The following PCDHGA2 variants were observed in gnomAD, a reference collection of about 807,000 sequenced individuals.
The protein encoded by PCDHGA2 is protocadherin gamma subfamily A, 2.
A neutral mutation model predicts 59.2 loss-of-function variants in PCDHGA2; 40 were observed. The observed-to-expected ratio is 0.68, with a 90% CI of 0.52 to 0.88. The LOEUF (loss-of-function observed/expected upper bound fraction) is 0.88, where lower values mean the gene tolerates loss of function less well. PCDHGA2 is among the 40% of genes least tolerant of loss of function. The pLI, the probability that PCDHGA2 is intolerant of heterozygous loss-of-function variation, is 0.00. For missense variants in PCDHGA2, 1,226 were observed against 1,204.0 expected, an observed-to-expected ratio of 1.02 and a Z score of -0.27; for synonymous variants, 560 against 526.0, an observed-to-expected ratio of 1.06 and a Z score of -0.89.
At chr5:141,351,488 C>T in intron 1 of PCDHGA2, 1 of 1,613,968 alleles carries the variant, frequency 6.2e-7, no homozygotes. Context: ...AAACCGGGAG[C>T]AGACAGCAGA....
rs138031063 is a variant in PCDHGA2 at position 141,447,985 on chromosome 5, C to T, written c.2425-46822C>T. Among the ~76,000 whole-genome samples the T allele has an allele frequency of 3.9e-3, 591 of 152,010 alleles. 6 individuals are homozygous for T. The highest frequency in any genetic ancestry group is 0.011 in the Admixed American group (170 of 15,260). On this transcript the variant is annotated intron_variant, in intron 1 of 3. Transcript: ENST00000394576. ...CCTATAATCCCAGCTACTCGGGAGG[C>T]TGAGGCATGAGAATCGCTTGAACCC...
chr5:141,376,772 C>T lies in PCDHGA2; in HGVS notation c.2424+35377C>T, dbSNP rs911404342. ...CGCAATCTCGGCTCACTGCAAGCTC[C>T]GCTTCCCGGGTTCACGCCATTCTCC... On this transcript the variant is annotated intron_variant, in intron 1 of 3. Transcript: ENST00000394576. The T allele has an allele frequency of 8.2e-5, 34 of 412,628 alleles. 1 individual carries two copies. The highest frequency in any genetic ancestry group is 3.9e-4 in the Admixed American group (9 of 23,202). 25.6% of individuals were successfully genotyped at this position (412,628 alleles called of 1,614,324 possible).
chr5:141,414,243 A>G (rs2154544977), intron 1 of PCDHGA2: 1 of 1,613,556 alleles, frequency 6.2e-7, no homozygotes. Context: ...TCACGTCTCT[A>G]TTTAGTCCAG....
chr5:141,424,786 T>G (rs1219509852), intron 1 of PCDHGA2: 1 of 152,210 alleles, frequency 6.6e-6, no homozygotes, highest in Non-Finnish European at 1.5e-5. Flanking sequence ...ATTCAGTTCT[T>G]TTATTCAGAC....
intron 1 of PCDHGA2, among the ~76,000 whole-genome samples, chr5:141,348,745 G>A (rs1055933152): frequency 6.6e-6 from 1 of 152,188 alleles, no homozygotes; most frequent in African/African-American, 2.4e-5. Context: ...ATAGTAAAAG[G>A]AATGGAAAGT....
At chr5:141,393,201 A>C in intron 1 of PCDHGA2, 1 of 1,613,534 alleles carries the variant, frequency 6.2e-7, no homozygotes, top group Admixed American at 1.7e-5. Context: ...TAACGATAAT[A>C]ACCCAAAATT....
chr5:141,394,253 C>A (rs771138606), intron 1 of PCDHGA2: 1 of 1,613,986 alleles, frequency 6.2e-7, no homozygotes, highest in Admixed American at 1.7e-5. Flanking sequence ...ACGACCCCGA[C>A]AGCCAGGAGA....
At chr5:141,385,189 C>T (rs368141492) in intron 1 of PCDHGA2, 2 of 1,614,222 alleles carry the variant, frequency 1.2e-6, no homozygotes, top group Non-Finnish European at 1.7e-6. Context: ...CGCGGACTCT[C>T]GGAAGAGTCA....
chr5:141,370,617 T>C lies in PCDHGA2; in HGVS notation c.2424+29222T>C, dbSNP rs1767063471. 3 of 1,613,958 alleles carry C rather than the reference T, an allele frequency of 1.9e-6. No individual in the cohort carries two copies. The South Asian group carries it at 3.3e-5, about 18-fold the overall frequency. ...GCGGGTTATTGCAGAGAAGAAATTCTTTACCGTGAGCCCCGAAAATGGGAA... is the reference window on the plus strand; with the variant it reads ...GCGGGTTATTGCAGAGAAGAAATTCCTTACCGTGAGCCCCGAAAATGGGAA... On this transcript the variant is annotated intron_variant, in intron 1 of 3. Coordinates refer to ENST00000394576, the MANE Select transcript of PCDHGA2 (RefSeq NM_018915.4).
rs1227487225 is a variant in PCDHGA2, at chr5:141,491,275, G to C, written c.2425-3532G>C. The C allele has an allele frequency of 2.5e-6, 4 of 1,614,082 alleles. 1 individual carries two copies. In the South Asian group the frequency reaches 4.4e-5, roughly 18 times the overall value. On this transcript the variant is annotated intron_variant, in intron 1 of 3. Transcript: ENST00000394576. This position sits in a 1 kb window ranked among gnomAD's most constrained non-coding sequence, Gnocchi z 6.9. Reference sequence around the variant, plus strand: ...CCCTGAGGAAATGCCCAAATCCAGTGACTTCCTCATACACCCTCCTGAGCG... The same window carrying C: ...CCCTGAGGAAATGCCCAAATCCAGTCACTTCCTCATACACCCTCCTGAGCG...
intron 1 of PCDHGA2, chr5:141,421,734 G>T: frequency 6.2e-7 from 1 of 1,613,948 alleles, no homozygotes; most frequent in Non-Finnish European, 8.5e-7. Flanking sequence ...ACTCCCTCCA[G>T]AGCTACCAGC....
At chr5:141,356,639 A>G (rs1760286940) in intron 1 of PCDHGA2, 1 of 1,614,126 alleles carries the variant, frequency 6.2e-7, no homozygotes, top group East Asian at 2.2e-5. Context: ...CAAGACCCTG[A>G]CAGTGGTGAC....
At position 141,472,368 on chromosome 5, in the gene PCDHGA2, C is replaced by T. The variant is rs555805048; in HGVS notation, c.2425-22439C>T. ...CATCCTGGCTAACACGGTGAAACCC[C>T]GTCTCCACTAAAAATAGAAAAAATT... is the stretch of plus-strand genomic sequence containing the variant. On this transcript the variant is annotated intron_variant, in intron 1 of 3. Transcript: ENST00000394576. Among the ~76,000 whole-genome samples, 214 of 152,012 alleles carry T rather than the reference C, an allele frequency of 1.4e-3. 1 individual carries two copies. The highest frequency in any genetic ancestry group is 4.8e-3 in the African/African-American group (199 of 41,452).
intron 2 of PCDHGA2, among the ~76,000 whole-genome samples, chr5:141,503,202 C>G (rs1562210201): frequency 6.6e-6 from 1 of 152,090 alleles, no homozygotes; most frequent in East Asian, 1.9e-4. Context: ...ATCAGCCTCT[C>G]AGTGCCCACC....
In PCDHGA2 at chr5:141,491,925, G is replaced by A. The variant is rs1019181943; in HGVS notation, c.2425-2882G>A. 5 of 1,325,176 alleles carry A rather than the reference G, an allele frequency of 3.8e-6. No homozygotes were observed. In the Admixed American group the frequency reaches 1.5e-4, roughly 39 times the overall value. 82.1% of individuals were successfully genotyped at this position (1,325,176 alleles called of 1,614,324 possible). A position where few individuals can be genotyped will look rare whatever the true frequency, so the allele number is the denominator to read the frequency against. On this transcript the variant is annotated intron_variant, in intron 1 of 3. Coordinates refer to ENST00000394576, the MANE Select transcript of PCDHGA2 (RefSeq NM_018915.4). The surrounding 1 kb of genome is among the most constrained non-coding windows in gnomAD (Gnocchi z 6.9). ...GGGTGGTGGCGACTGTGGGCGAGGG[G>A]AGGTGGGACCGACCCCCACCCCTAC...
intron 1 of PCDHGA2, chr5:141,383,587 G>A (rs1054174619): frequency 3.1e-6 from 5 of 1,613,564 alleles, no homozygotes; most frequent in African/African-American, 1.3e-5. Context: ...CCACATCCAG[G>A]TGACAGTGGT....
intron 1 of PCDHGA2, chr5:141,372,088 C>G: frequency 1.9e-6 from 3 of 1,613,762 alleles, no homozygotes; most frequent in Non-Finnish European, 2.5e-6. Flanking sequence ...GTGCTGTACC[C>G]AGCTCTGGGG....
At position 141,414,031 on chromosome 5, in the gene PCDHGA2, C is replaced by G. The variant is rs900884760; in HGVS notation, c.2424+72636C>G. The G allele has an allele frequency of 1.2e-6, 2 of 1,611,740 alleles. No homozygotes were observed. The highest frequency in any genetic ancestry group is 2.7e-5 in the African/African-American group (2 of 74,762). On this transcript the variant is annotated intron_variant, in intron 1 of 3. Coordinates refer to ENST00000394576, the MANE Select transcript of PCDHGA2 (RefSeq NM_018915.4). ...CAATGGAGAAGTGACATATTCATTC[C>G]GAAAATTACCTGACACGCAATTGTT... is the stretch of plus-strand genomic sequence containing the variant.
intron 1 of PCDHGA2, among the ~76,000 whole-genome samples, chr5:141,449,674 TA>T (rs2154562752): frequency 6.6e-6 from 1 of 151,604 alleles, no homozygotes; most frequent in African/African-American, 2.4e-5. Context: ...AGTGTGTATG[TA>T]TATATGTTTG....
Sources: gnomAD v4.1 joint callset for allele counts (sites outside exome capture counted in the v4.1 genomes callset) on GRCh38, gnomAD v4.1.1 for gene constraint, Gnocchi (gnomAD v3.1) non-coding constraint, MANE v1.5 for transcripts, NCBI Gene and HGNC (gene_info 2026-07-23, HGNC 2026-07-21) for gene names.